SLC25A12: variants seen among roughly 807,000 people sequenced by gnomAD.
SLC25A12 encodes the protein solute carrier family 25 member 12.
SLC25A12 carries 32 observed loss-of-function variants against 83.3 expected under a neutral mutation model. That is an observed-to-expected ratio of 0.38 (90% CI 0.29 to 0.52). SLC25A12 has a LOEUF of 0.52. Among genes scored for constraint, SLC25A12 ranks in the 20% least tolerant of loss-of-function variants. The probability of loss-of-function intolerance (pLI) is 0.84; values close to 1 mark genes in which losing one functional copy is unlikely to be tolerated. For synonymous variants in SLC25A12, 267 were observed against 291.1 expected, an observed-to-expected ratio of 0.92 and a Z score of 0.84; for missense variants, 611 against 835.6, an observed-to-expected ratio of 0.73 and a Z score of 3.31.
intron 2 of SLC25A12, among the ~76,000 whole-genome samples, chr2:171,882,556 T>C (rs1022552097): frequency 6.6e-6 from 1 of 152,232 alleles, no homozygotes; most frequent in Non-Finnish European, 1.5e-5. Flanking sequence ...GCATGATCCC[T>C]GGTGACAGCA....
chr2:171,787,243 T>C (rs1690505639), intron 17 of SLC25A12, among the ~76,000 whole-genome samples: 1 of 152,128 alleles, frequency 6.6e-6, no homozygotes, highest in South Asian at 2.1e-4. Flanking sequence ...GAGGATCGCT[T>C]GAGCCCGGGA....
chr2:171,785,386 G>A lies in SLC25A12; in HGVS notation c.1925C>T (p.Ala642Val). The A allele has an allele frequency of 6.2e-7, 1 of 1,614,198 alleles. No homozygotes were observed. The highest frequency in any genetic ancestry group is 8.5e-7 in the Non-Finnish European group (1 of 1,180,030). Residue 642 changes from alanine (A) to valine (V), a missense_variant, in exon 18 of 18, where the codon GCC becomes GTC. Coordinates refer to ENST00000422440, the MANE Select transcript of SLC25A12 (RefSeq NM_003705.5). ...NPDHIGGYRLATATFAGIENK... is the reference protein window; with the variant it reads ...NPDHIGGYRLVTATFAGIENK... ...TTCGATGCCTGCAAACGTGGCTGTG[G>A]CGAGTCTGTATCCACCGATGTGATC...
intron 7 of SLC25A12, 145 bp downstream of exon 7, chr2:171,834,582 T>G: frequency 1.1e-6 from 1 of 931,932 alleles, no homozygotes; most frequent in Non-Finnish European, 1.6e-6. Context: ...ACCTGGATTT[T>G]TGGAGCCCAA....
intron 2 of SLC25A12, among the ~76,000 whole-genome samples, chr2:171,880,460 T>G (rs1160197668): frequency 6.6e-6 from 1 of 152,146 alleles, no homozygotes; most frequent in Non-Finnish European, 1.5e-5. Context: ...GTATTTTTAG[T>G]AGAGGCGGGG....
intron 8 of SLC25A12, among the ~76,000 whole-genome samples, chr2:171,832,536 C>T (rs1684463846): frequency 6.6e-6 from 1 of 152,126 alleles, no homozygotes; most frequent in Non-Finnish European, 1.5e-5. Flanking sequence ...TGTATATTTA[C>T]CCCCTTAAAA....
At chr2:171,859,123 T>A (rs1685098729) in intron 3 of SLC25A12, among the ~76,000 whole-genome samples, 1 of 152,164 alleles carries the variant, frequency 6.6e-6, no homozygotes, top group African/African-American at 2.4e-5. Context: ...CTTTCCCAAT[T>A]TTAAAGCTAT....
intron 3 of SLC25A12, among the ~76,000 whole-genome samples, chr2:171,864,083 C>T (rs1685228881): frequency 6.6e-6 from 1 of 152,194 alleles, no homozygotes; most frequent in Admixed American, 6.5e-5. Flanking sequence ...ATTACAATAG[C>T]TACCTAAATT....
intron 15 of SLC25A12, among the ~76,000 whole-genome samples, chr2:171,789,418 C>A (rs1308565920): frequency 6.6e-6 from 1 of 151,962 alleles, no homozygotes; most frequent in African/African-American, 2.4e-5. Flanking sequence ...TTAGTAGAGA[C>A]GGGGTTTCAC....
At chr2:171,789,436 G>C (rs1309782978) in intron 15 of SLC25A12, among the ~76,000 whole-genome samples, 3 of 152,090 alleles carry the variant, frequency 2.0e-5, no homozygotes, top group Non-Finnish European at 4.4e-5. Flanking sequence ...CACCGTGTTA[G>C]CCAGGATGGT....
chr2:171,868,825 T>TA lies in SLC25A12; in HGVS notation c.67-3dup, dbSNP rs759550155. 5.0e-6 allele frequency: 8 copies of TA among 1,605,574 alleles called. No individual in the cohort carries two copies. The highest frequency in any genetic ancestry group is 3.3e-5 in the South Asian group (3 of 90,894). On this transcript the variant is annotated splice_polypyrimidine_tract_variant and splice_region_variant and intron_variant, in intron 2 of 17. Transcript: ENST00000422440. Reference sequence around the variant, plus strand: ...TCCATCAACCTCAGTACTGGCATACTAAAAAAATAAATAAATAATGCATAC... The same window carrying TA: ...TCCATCAACCTCAGTACTGGCATACTAAAAAAAATAAATAAATAATGCATAC...
chr2:171,824,584 T>C (rs962321487), intron 9 of SLC25A12, among the ~76,000 whole-genome samples: 1 of 152,130 alleles, frequency 6.6e-6, no homozygotes, highest in African/African-American at 2.4e-5. Flanking sequence ...TTTTTCAAAA[T>C]TCAAGAGCAA....
intron 2 of SLC25A12, among the ~76,000 whole-genome samples, chr2:171,889,792 T>C (rs1203368887): frequency 6.6e-6 from 1 of 152,226 alleles, no homozygotes; most frequent in Non-Finnish European, 1.5e-5. Flanking sequence ...GGCTCTGGAA[T>C]TTGATTTGAA....
intron 8 of SLC25A12, among the ~76,000 whole-genome samples, chr2:171,827,717 C>G (rs1009782952): frequency 6.6e-6 from 1 of 152,110 alleles, no homozygotes; most frequent in Admixed American, 6.5e-5. Flanking sequence ...TTTGTTTGTG[C>G]GTTTTGTCCA....
At chr2:171,790,185 G>A (rs939478381) in intron 15 of SLC25A12, among the ~76,000 whole-genome samples, 1 of 152,178 alleles carries the variant, frequency 6.6e-6, no homozygotes, top group African/African-American at 2.4e-5. Context: ...AGCACACTCC[G>A]GGAGCTGCTC....
At chr2:171,827,561 A>T (rs186403638) in intron 8 of SLC25A12, among the ~76,000 whole-genome samples, 15 of 152,336 alleles carry the variant, frequency 9.8e-5, no homozygotes, top group Non-Finnish European at 2.1e-4. Context: ...TCATTTATAT[A>T]GGGTGTAACC....
intron 11 of SLC25A12, among the ~76,000 whole-genome samples, chr2:171,810,931 C>T (rs1574689122): frequency 6.6e-6 from 1 of 152,136 alleles, no homozygotes; most frequent in Admixed American, 6.5e-5. Context: ...AAGCTTAAGA[C>T]ATTTTAAAAG....
chr2:171,875,412 G>A (rs60149766), intron 2 of SLC25A12, among the ~76,000 whole-genome samples: 80 of 152,200 alleles, frequency 5.3e-4, no homozygotes, highest in African/African-American at 1.9e-3. Flanking sequence ...CCAAGAACCT[G>A]TACAACTTGC....
chr2:171,833,775 CTGTCTTCCTG>C (rs1684498083), intron 8 of SLC25A12, among the ~76,000 whole-genome samples, 178 bp downstream of exon 8: 1 of 151,758 alleles, frequency 6.6e-6, no homozygotes, highest in Admixed American at 6.6e-5. Context: ...CTCCCTCTGT[CTGTCTTCCTG>C]TGTTTCTTTC....
chr2:171,852,190 A>G (rs2105902612), intron 4 of SLC25A12, among the ~76,000 whole-genome samples: 1 of 152,366 alleles, frequency 6.6e-6, no homozygotes, highest in Middle Eastern at 3.4e-3. Flanking sequence ...TCTGAAATGG[A>G]TTTCCAAGGC....
Sources: allele counts gnomAD v4.1 joint callset (sites outside exome capture counted in the v4.1 genomes callset), GRCh38; gene constraint gnomAD v4.1.1; transcripts MANE v1.5; gene names NCBI Gene and HGNC (gene_info 2026-07-23, HGNC 2026-07-21).